The following DOK1 variants were observed in gnomAD, a reference collection of about 807,000 sequenced individuals.
DOK1 encodes docking protein 1, also known as Downstream of tyrosine kinase 1.
DOK1 carries 12 observed loss-of-function variants against 24.0 expected under a neutral mutation model. The ratio of observed to expected loss-of-function variants is 0.50; its 90% CI spans 0.32 to 0.81. The LOEUF (loss-of-function observed/expected upper bound fraction) is 0.81, where lower values mean the gene tolerates loss of function less well. Among genes scored for constraint, DOK1 ranks in the 30% least tolerant of loss-of-function variants. The pLI, the probability that DOK1 is intolerant of heterozygous loss-of-function variation, is 0.03. For missense variants in DOK1, 591 were observed against 620.7 expected (o/e 0.95, Z 0.51); for synonymous variants, 250 against 260.9 (o/e 0.96, Z 0.40).
upstream of DOK1, chr2:74,552,473 G>A (rs780347605): frequency 4.5e-5 from 72 of 1,613,506 alleles, no homozygotes; most frequent in South Asian, 6.6e-5. Flanking sequence ...CGCGGCCCTC[G>A]TAGGGCTTCC....
At chr2:74,552,775 G>A (rs996647136), upstream of DOK1, 42 of 795,434 alleles carry the variant, frequency 5.3e-5, no homozygotes, top group Non-Finnish European at 7.3e-5. Flanking sequence ...GAGACAACAG[G>A]AGAGAAAGAG....
chr2:74,556,484 G>A lies in DOK1; in HGVS notation c.816G>A (p.Gly272=). Residue 272 remains glycine (G), a synonymous_variant, in exon 5 of 5, where the codon GGG becomes GGA. Coordinates refer to ENST00000233668, the MANE Select transcript of DOK1 (RefSeq NM_001381.5). The surrounding 1 kb of genome is among the most constrained non-coding windows in gnomAD (Gnocchi z 4.1). ...HDVLRADSHE[G]EVAEGKLPSP... is the part of the protein sequence containing the mutation. ...TTCTCAGAGCTGACTCCCATGAAGG[G>A]GAGGTGGCAGAGGGGAAGTTGCCTT... is the stretch of plus-strand genomic sequence containing the variant. The A allele has an allele frequency of 6.2e-7, 1 of 1,614,158 alleles. No homozygotes were observed. The highest frequency in any genetic ancestry group is 8.5e-7 in the Non-Finnish European group (1 of 1,180,018).
chr2:74,555,623 G>C lies in DOK1; in HGVS notation c.409G>C (p.Ala137Pro). ...TACCGATAACCCACCTAAGCTTTCT[G>C]CCCTGGAGATGCTGGAGAACTCCTT... ...APTDNPPKLS[A>P]LEMLENSLYS... Residue 137 changes from alanine to proline, a missense_variant, in exon 3 of 5, where the codon GCC becomes CCC. Physicochemically the swap from Ala to Pro is conservative, Grantham distance 27 (BLOSUM62 -1). Transcript: ENST00000233668. This position sits in a 1 kb window ranked among gnomAD's most constrained non-coding sequence, Gnocchi z 6.1. 6.2e-7 allele frequency: 1 copy of C among 1,614,194 alleles called. No individual in the cohort carries two copies. Among genetic ancestry groups the C allele is most frequent in the South Asian group, 1.1e-5 (1 of 91,078 alleles).
rs1265710892 is a variant in DOK1, at chr2:74,556,930, T to G, written c.1262T>G (p.Leu421Arg). ...VPPPRSTKPL[L>R]APKPQGPAFP... ...CCCCCTCGGAGCACAAAGCCCCTCC[T>G]TGCTCCCAAGCCCCAGGGCCCAGCC... is the stretch of plus-strand genomic sequence containing the variant. Residue 421 changes from leucine to arginine, a missense_variant, in exon 5 of 5, where the codon CTT becomes CGT. Leu to Arg is a moderately radical substitution (Grantham distance 102). Coordinates refer to ENST00000233668, the MANE Select transcript of DOK1 (RefSeq NM_001381.5). The surrounding 1 kb of genome is among the most constrained non-coding windows in gnomAD (Gnocchi z 4.1). The G allele has an allele frequency of 6.2e-7, 1 of 1,614,080 alleles. No homozygotes were observed. Among genetic ancestry groups the G allele is most frequent in the Admixed American group, 1.7e-5 (1 of 60,024 alleles).
rs536888156 is a variant in DOK1, at chr2:74,556,326, G to A, written c.658G>A (p.Ala220Thr). 9.9e-6 allele frequency: 16 copies of A among 1,612,574 alleles called. No individual in the cohort carries two copies. The South Asian group carries it at 1.5e-4, about 15-fold the overall frequency. Residue 220 changes from alanine to threonine, a missense_variant, in exon 5 of 5, where the codon GCC becomes ACC. Coordinates refer to ENST00000233668, the MANE Select transcript of DOK1 (RefSeq NM_001381.5). This position sits in a 1 kb window ranked among gnomAD's most constrained non-coding sequence, Gnocchi z 4.1. The part of the protein sequence containing the change: ...GRDKVMFSFE[A>T]GRRCPSGPGT... ...TCCTTAGGTCATGTTCTCTTTCGAGGCCGGCCGCCGCTGCCCCTCAGGCCC... is the reference window on the plus strand; with the variant it reads ...TCCTTAGGTCATGTTCTCTTTCGAGACCGGCCGCCGCTGCCCCTCAGGCCC...
rs980269566 is a variant in DOK1, at chr2:74,549,262, C to G, written c.-358+90C>G. Reference sequence around the variant, plus strand: ...CTCCATATTTTCCCGCGCGTCCCGACCCCCGGGTCCTCCCGTGCCCCGGAC... The same window carrying G: ...CTCCATATTTTCCCGCGCGTCCCGAGCCCCGGGTCCTCCCGTGCCCCGGAC... On this transcript the variant is annotated intron_variant, in intron 1 of 4. Coordinates refer to the DOK1 transcript ENST00000409429. This position sits in a 1 kb window ranked among gnomAD's most constrained non-coding sequence, Gnocchi z 5.3. 22 of 1,288,388 alleles carry G rather than the reference C, an allele frequency of 1.7e-5. No individual in the cohort carries two copies. In the East Asian group the frequency reaches 5.3e-4, roughly 31 times the overall value. 79.8% of individuals were successfully genotyped at this position (1,288,388 alleles called of 1,614,324 possible). A position where few individuals can be genotyped will look rare whatever the true frequency, so the allele number is the denominator to read the frequency against.
At chr2:74,553,573 C>A (rs994863860), upstream of DOK1, among the ~76,000 whole-genome samples, 3 of 152,226 alleles carry the variant, frequency 2.0e-5, no homozygotes, top group South Asian at 2.1e-4. Context: ...CATGCTTCCC[C>A]CAACCCAAAC....
rs150262871 is a variant in DOK1 at position 74,555,260 on chromosome 2, G to T, written c.167G>T (p.Ser56Ile). 3 of 1,613,878 alleles carry T rather than the reference G, an allele frequency of 1.9e-6. No individual in the cohort carries two copies. The highest frequency in any genetic ancestry group is 1.7e-6 in the Non-Finnish European group (2 of 1,180,030). ...KGSSSGGGRG[S>I]SRRLDCKVIR... ...TCGAGCTCTGGGGGTGGCCGAGGGA[G>T]CTCGCGCCGCCTGGACTGCAAAGTG... Residue 56 changes from serine to isoleucine, a missense_variant, in exon 2 of 5, where the codon AGC becomes ATC. Transcript: ENST00000233668. The surrounding 1 kb of genome is among the most constrained non-coding windows in gnomAD (Gnocchi z 6.1).
At position 74,549,505 on chromosome 2, in the gene DOK1, C is replaced by G; in HGVS notation, c.-358+333C>G. 1 of 1,613,750 alleles carries G rather than the reference C, an allele frequency of 6.2e-7. No individual in the cohort carries two copies. The highest frequency in any genetic ancestry group is 8.5e-7 in the Non-Finnish European group (1 of 1,179,878). On this transcript the variant is annotated intron_variant, in intron 1 of 4. Coordinates refer to the DOK1 transcript ENST00000409429. The surrounding 1 kb of genome is among the most constrained non-coding windows in gnomAD (Gnocchi z 5.3). ...GGAAGCCTGACTTCCACCAGCCCCT[C>G]CGTCACGGGCAGGGGTCGTCTGCCC... is the stretch of plus-strand genomic sequence containing the variant.
chr2:74,552,745 G>A (rs375699287), upstream of DOK1: 1 of 1,022,590 alleles, frequency 9.8e-7, no homozygotes, highest in Non-Finnish European at 1.4e-6. Context: ...AACAGACACT[G>A]AGTAAGACAG....
rs1677498672 is a variant in DOK1 at position 74,556,696 on chromosome 2, A to G, written c.1028A>G (p.His343Arg). 1 of 1,614,254 alleles carries G rather than the reference A, an allele frequency of 6.2e-7. No homozygotes were observed. Among genetic ancestry groups the G allele is most frequent in the Non-Finnish European group, 8.5e-7 (1 of 1,180,044 alleles). ...CCTCTCTATTGGGACTTGTATGAGC[A>G]TGCGCAGCAGCAGTTGCTGAAGGCC... ...KKPLYWDLYE[H>R]AQQQLLKAKL... Residue 343 changes from histidine (H) to arginine (R), a missense_variant, in exon 5 of 5, where the codon CAT becomes CGT. Coordinates refer to ENST00000233668, the MANE Select transcript of DOK1 (RefSeq NM_001381.5). This position sits in a 1 kb window ranked among gnomAD's most constrained non-coding sequence, Gnocchi z 4.1.
rs757310796 is a variant in DOK1, at chr2:74,556,889, T to C, written c.1221T>C (p.Asp407=). Residue 407 remains aspartate, a synonymous_variant, in exon 5 of 5, where the codon GAT becomes GAC. Coordinates refer to ENST00000233668, the MANE Select transcript of DOK1 (RefSeq NM_001381.5). The surrounding 1 kb of genome is among the most constrained non-coding windows in gnomAD (Gnocchi z 4.1). The part of the protein sequence containing the change: ...GYELPYNPAT[D]DYAVPPPRST... ...AGCTCCCCTACAACCCTGCCACTGA[T>C]GACTACGCTGTGCCACCCCCTCGGA... is the stretch of plus-strand genomic sequence containing the variant. The C allele has an allele frequency of 1.2e-6, 2 of 1,614,132 alleles. No homozygotes were observed. Among genetic ancestry groups the C allele is most frequent in the Non-Finnish European group, 1.7e-6 (2 of 1,180,028 alleles).
chr2:74,554,894 C>A lies in DOK1; in HGVS notation c.60+80C>A, dbSNP rs771264270. The stretch of plus-strand genomic sequence containing the variant: ...CCCAGAAACAGGGAGAGGTGGGCAG[C>A]GGGCTGGAGAGCGGCGCCGGGAGTT... On this transcript the variant is annotated intron_variant, in intron 1 of 4. Transcript: ENST00000233668. This position sits in a 1 kb window ranked among gnomAD's most constrained non-coding sequence, Gnocchi z 4.9. 7 of 1,586,254 alleles carry A rather than the reference C, an allele frequency of 4.4e-6. No individual in the cohort carries two copies. In the East Asian group the frequency reaches 1.6e-4, roughly 37 times the overall value.
Position 74,555,935 on chromosome 2 carries a change from G to C in DOK1, c.496G>C (p.Glu166Gln). 1 of 1,613,006 alleles carries C rather than the reference G, an allele frequency of 6.2e-7. No individual in the cohort carries two copies. The highest frequency in any genetic ancestry group is 8.5e-7 in the Non-Finnish European group (1 of 1,179,490). ...AACGGTGCAGAGGACTGAGGCCGCCGAGCGCTGTGGCCTGCATGGCTCCTA... is the reference window on the plus strand; with the variant it reads ...AACGGTGCAGAGGACTGAGGCCGCCCAGCGCTGTGGCCTGCATGGCTCCTA... ...WVTVQRTEAA[E>Q]RCGLHGSYVL... Residue 166 changes from glutamate to glutamine, a missense_variant, in exon 4 of 5, where the codon GAG (glutamate) becomes CAG (glutamine). By Grantham distance (29) the Glu-to-Gln change is conservative. Transcript: ENST00000233668. This position sits in a 1 kb window ranked among gnomAD's most constrained non-coding sequence, Gnocchi z 6.1.
chr2:74,552,283 C>G (rs1471623740), upstream of DOK1: 5 of 1,562,200 alleles, frequency 3.2e-6, no homozygotes, highest in Non-Finnish European at 4.4e-6. Context: ...TTTGGCCACA[C>G]ATAGGAAATA....
rs1677358171 is a variant in DOK1, at chr2:74,555,335, C to G, written c.242C>G (p.Pro81Arg). The change falls in exon 2 of 5, where the codon CCC becomes CGC. Residue 81 changes from proline to arginine, a missense_variant. Physicochemically the swap from Pro to Arg is moderately radical, Grantham distance 103. Coordinates refer to ENST00000233668, the MANE Select transcript of DOK1 (RefSeq NM_001381.5). This position sits in a 1 kb window ranked among gnomAD's most constrained non-coding sequence, Gnocchi z 6.1. Reference protein sequence around the residue: ...VSVAPVTVETPPEPGATAFRL... With the variant: ...VSVAPVTVETRPEPGATAFRL... ...GTGGCCCCCGTCACCGTGGAGACCCCCCCTGAGCCCGGCGCCACTGCCTTC... is the reference window on the plus strand; with the variant it reads ...GTGGCCCCCGTCACCGTGGAGACCCGCCCTGAGCCCGGCGCCACTGCCTTC... 6.2e-7 allele frequency: 1 copy of G among 1,613,832 alleles called. No homozygotes were observed. Among genetic ancestry groups the G allele is most frequent in the Admixed American group, 1.7e-5 (1 of 60,004 alleles).
chr2:74,552,695 G>C, upstream of DOK1: 4 of 1,427,344 alleles, frequency 2.8e-6, no homozygotes, highest in Non-Finnish European at 3.7e-6. Context: ...GATTGAGTGG[G>C]GCCCAGAGTC....
In DOK1 at chr2:74,555,468, C is replaced by T; in HGVS notation, c.360+15C>T. 1 of 1,607,662 alleles carries T rather than the reference C, an allele frequency of 6.2e-7. No individual in the cohort carries two copies. The highest frequency in any genetic ancestry group is 1.3e-5 in the African/African-American group (1 of 74,980). On this transcript the variant is annotated intron_variant, in intron 2 of 4. Transcript: ENST00000233668. The surrounding 1 kb of genome is among the most constrained non-coding windows in gnomAD (Gnocchi z 6.1). ...ACGCCTTTCCGGTGAGGAGCTGCGG[C>T]GATGCGGGGTGGGGGCAGTTACAGA...
chr2:74,555,619 T>G lies in DOK1; in HGVS notation c.405T>G (p.Leu135=), dbSNP rs1340159956. 2.5e-6 allele frequency: 4 copies of G among 1,614,054 alleles called. No homozygotes were observed. The Admixed American group carries it at 5.0e-5, about 20-fold the overall frequency. ...CGCCTACCGATAACCCACCTAAGCT[T>G]TCTGCCCTGGAGATGCTGGAGAACT... ...TLAPTDNPPK[L]SALEMLENSL... is the part of the protein sequence containing the mutation. The change falls in exon 3 of 5, where the codon CTT becomes CTG. Residue 135 remains leucine, a synonymous_variant. Coordinates refer to ENST00000233668, the MANE Select transcript of DOK1 (RefSeq NM_001381.5). This position sits in a 1 kb window ranked among gnomAD's most constrained non-coding sequence, Gnocchi z 6.1.
Sources: gnomAD v4.1 joint callset for allele counts (sites outside exome capture counted in the v4.1 genomes callset) on GRCh38, gnomAD v4.1.1 for gene constraint, Gnocchi (gnomAD v3.1) non-coding constraint, MANE v1.5 for transcripts, NCBI Gene and HGNC (gene_info 2026-07-23, HGNC 2026-07-21) for gene names.